Variants in COBLL1 observed in about 807,000 individuals in gnomAD.
COBLL1 encodes the protein cordon-bleu WH2 repeat protein like 1, also known as cordon-bleu protein-like 1.
A neutral mutation model predicts 94.8 loss-of-function variants in COBLL1; 50 were observed. The ratio of observed to expected loss-of-function variants is 0.53; its 90% confidence interval spans 0.42 to 0.67. The LOEUF (loss-of-function observed/expected upper bound fraction) is 0.67, where lower values mean the gene tolerates loss of function less well. Among genes scored for constraint, COBLL1 ranks in the 30% least tolerant of loss-of-function variants. The pLI, the probability that COBLL1 is intolerant of heterozygous loss-of-function variation, is 0.00. For synonymous variants in COBLL1, 448 were observed against 473.8 expected (o/e 0.95, Z 0.71); for missense variants, 1,362 against 1,348.7 (o/e 1.01, Z -0.15).
intron 2 of COBLL1, chr2:164,837,310 G>C: frequency 3.5e-6 from 1 of 288,090 alleles, no homozygotes; most frequent in South Asian, 3.4e-5. Context: ...AAGCACCCAA[G>C]TTGATGTCAG....
chr2:164,816,792 C>A (rs1381708012), intron 2 of COBLL1, among the ~76,000 whole-genome samples: 1 of 152,152 alleles, frequency 6.6e-6, no homozygotes, highest in Non-Finnish European at 1.5e-5. Flanking sequence ...GGGTTCTCTA[C>A]ACTCTACTAA....
At chr2:164,705,190 C>A in intron 7 of COBLL1, 85 bp from the exon 8 acceptor site, 1 of 1,039,008 alleles carries the variant, frequency 9.6e-7, no homozygotes, top group Non-Finnish European at 1.3e-6. Flanking sequence ...ACGTCAAGCA[C>A]AGGATATATC....
chr2:164,741,762 C>T (rs1411628769), intron 3 of COBLL1, among the ~76,000 whole-genome samples: 1 of 151,924 alleles, frequency 6.6e-6, no homozygotes, highest in Non-Finnish European at 1.5e-5. Context: ...ATCTAGGGTG[C>T]TTGTAAGTAC....
intron 2 of COBLL1, among the ~76,000 whole-genome samples, chr2:164,762,049 T>A (rs370258610): frequency 1.3e-5 from 2 of 152,348 alleles, no homozygotes; most frequent in East Asian, 3.9e-4. Context: ...AAACCGTTCC[T>A]ATAACCTCTG....
chr2:164,837,655 ATATG>A lies in COBLL1; in HGVS notation c.41+3497_41+3500del, dbSNP rs548771232. Among the ~76,000 whole-genome samples the A allele has an allele frequency of 3.3e-3, 502 of 151,906 alleles. 2 individuals are homozygous for A. The highest frequency in any genetic ancestry group is 6.8e-3 in the Middle Eastern group (2 of 292). On this transcript the variant is annotated intron_variant, in intron 2 of 13. Coordinates refer to ENST00000652658, the MANE Select transcript of COBLL1 (RefSeq NM_001365672.2). ...ATATACATGAATTAGATAGGAGTAT[ATATG>A]TATGTATATGTATAGTATACATAAA...
At chr2:164,806,297 T>C (rs1684151470) in intron 2 of COBLL1, among the ~76,000 whole-genome samples, 1 of 152,326 alleles carries the variant, frequency 6.6e-6, no homozygotes, top group African/African-American at 2.4e-5. Context: ...ACGTACAATC[T>C]ATATAACTTT....
intron 2 of COBLL1, among the ~76,000 whole-genome samples, chr2:164,818,332 A>AGG (rs1684940244): frequency 6.8e-6 from 1 of 146,190 alleles, no homozygotes; most frequent in African/African-American, 2.6e-5. Context: ...ATGTATACAT[A>AGG]TATGTATATA....
intron 2 of COBLL1, among the ~76,000 whole-genome samples, chr2:164,823,460 A>G (rs2105366801): frequency 6.6e-6 from 1 of 152,244 alleles, no homozygotes; most frequent in South Asian, 2.1e-4. Flanking sequence ...TCACCCTTCA[A>G]GGAGACTGCA....
chr2:164,741,554 A>G (rs1433972761), intron 3 of COBLL1, among the ~76,000 whole-genome samples: 1 of 152,112 alleles, frequency 6.6e-6, no homozygotes, highest in Non-Finnish European at 1.5e-5. Flanking sequence ...GAGAAAGCCA[A>G]TAGGCGCCAA....
intron 2 of COBLL1, among the ~76,000 whole-genome samples, chr2:164,786,878 T>A (rs1014495717): frequency 7.9e-5 from 12 of 152,256 alleles, no homozygotes; most frequent in African/African-American, 2.9e-4. Context: ...GTATCTTGCT[T>A]TTTTCTTGAT....
At chr2:164,781,021 C>G (rs1688701221) in intron 2 of COBLL1, among the ~76,000 whole-genome samples, 1 of 152,130 alleles carries the variant, frequency 6.6e-6, no homozygotes, top group South Asian at 2.1e-4. Flanking sequence ...AAACATCCCT[C>G]CAGTATTTCA....
intron 2 of COBLL1, among the ~76,000 whole-genome samples, chr2:164,764,375 C>T (rs1370481249): frequency 6.6e-6 from 1 of 151,948 alleles, no homozygotes; most frequent in Admixed American, 6.5e-5. Context: ...TGCTAGGAGT[C>T]CATATTTTCT....
chr2:164,831,984 T>A (rs3769922), intron 2 of COBLL1, among the ~76,000 whole-genome samples: 1 of 152,214 alleles, frequency 6.6e-6, no homozygotes, highest in Non-Finnish European at 1.5e-5. Flanking sequence ...GGTAGGATAG[T>A]AGTCATTTTC....
At chr2:164,674,538 C>A (rs1204219550) in intron 1 of COBLL1, among the ~76,000 whole-genome samples, 2 of 152,054 alleles carry the variant, frequency 1.3e-5, no homozygotes, top group Non-Finnish European at 2.9e-5. Context: ...ATTTATAAGA[C>A]AGAGGTAATA....
chr2:164,715,836 G>T (rs1685136203), intron 7 of COBLL1, among the ~76,000 whole-genome samples: 1 of 152,018 alleles, frequency 6.6e-6, no homozygotes, highest in South Asian at 2.1e-4. Flanking sequence ...TTCTTACAGT[G>T]TTTCCAGCCA....
intron 5 of COBLL1, chr2:164,723,684 C>A (rs1685573415): frequency 6.6e-6 from 1 of 151,678 alleles, no homozygotes; most frequent in South Asian, 2.1e-4. Flanking sequence ...AAAAAAAACT[C>A]TTTTTTCACC....
At chr2:164,772,415 C>T (rs1426155238) in intron 2 of COBLL1, among the ~76,000 whole-genome samples, 3 of 151,884 alleles carry the variant, frequency 2.0e-5, no homozygotes, top group Admixed American at 2.0e-4. Context: ...GTCAATGATT[C>T]TATTGACTAT....
chr2:164,707,479 A>G (rs772274143), intron 7 of COBLL1, among the ~76,000 whole-genome samples: 1 of 152,084 alleles, frequency 6.6e-6, no homozygotes, highest in Non-Finnish European at 1.5e-5. Flanking sequence ...CTGACTCCCA[A>G]CATTTCTTAT....
intron 3 of COBLL1, among the ~76,000 whole-genome samples, chr2:164,731,625 A>G (rs12618677): frequency 0.65 from 98,880 of 152,130 alleles, 33,987 homozygotes; most frequent in African/African-American, 0.89. Context: ...GTATTTTTAC[A>G]GATGGAGGCA....
Sources: gnomAD v4.1 joint callset for allele counts (sites outside exome capture counted in the v4.1 genomes callset) on GRCh38, gnomAD v4.1.1 for gene constraint, MANE v1.5 for transcripts, NCBI Gene and HGNC (gene_info 2026-07-23, HGNC 2026-07-21) for gene names.